PARD3B: variants seen among roughly 807,000 people sequenced by gnomAD.
The protein encoded by PARD3B is partitioning defective 3 homolog B.
A neutral mutation model predicts 130.2 loss-of-function variants in PARD3B; 103 were observed. The ratio of observed to expected loss-of-function variants is 0.79; its 90% CI spans 0.67 to 0.93. The LOEUF (loss-of-function observed/expected upper bound fraction) is 0.93. PARD3B is among the 40% of genes least tolerant of loss of function. The probability of loss-of-function intolerance (pLI) is 0.00; values close to 1 mark genes in which losing one functional copy is unlikely to be tolerated. For missense variants in PARD3B, 1,609 were observed against 1,499.2 expected (o/e 1.07, Z -1.21); for synonymous variants, 583 against 553.2 (o/e 1.05, Z -0.76).
chr2:205,005,241 A>G (rs1158405089), intron 3 of PARD3B, among the ~76,000 whole-genome samples: 4 of 152,148 alleles, frequency 2.6e-5, no homozygotes, highest in Non-Finnish European at 5.9e-5. Context: ...ACACATATAT[A>G]CAGCAAGAGA....
At chr2:205,074,511 T>C (rs557594359) in intron 4 of PARD3B, among the ~76,000 whole-genome samples, 6 of 152,306 alleles carry the variant, frequency 3.9e-5, no homozygotes, top group Non-Finnish European at 5.9e-5. Context: ...CAACAACTTA[T>C]CTTCATAGAA....
chr2:205,285,649 C>T (rs1207422), intron 16 of PARD3B, among the ~76,000 whole-genome samples: 2 of 152,116 alleles, frequency 1.3e-5, no homozygotes, highest in East Asian at 1.9e-4. Context: ...CGATGTTCTC[C>T]GCTGTCGCCC....
intron 18 of PARD3B, among the ~76,000 whole-genome samples, chr2:205,362,185 A>C (rs767609679): frequency 6.6e-5 from 10 of 152,190 alleles, no homozygotes; most frequent in Non-Finnish European, 1.5e-4. Flanking sequence ...GTTTTATATC[A>C]ATTGTTTTTC....
At chr2:205,166,687 C>G (rs1413331936) in intron 11 of PARD3B, among the ~76,000 whole-genome samples, 1 of 152,028 alleles carries the variant, frequency 6.6e-6, no homozygotes, top group Non-Finnish European at 1.5e-5. Flanking sequence ...TCAAAAAATG[C>G]AGTAGACAGA....
chr2:205,331,782 C>CAAAAAAAAAAAAAAA lies in PARD3B; in HGVS notation c.2630+30090_2630+30104dup, dbSNP rs56654511. On this transcript the variant is annotated intron_variant, in intron 18 of 22. Transcript: ENST00000406610. The stretch of plus-strand genomic sequence containing the variant: ...TGGGCGACAGAGTGAGACTCCGTCT[C>CAAAAAAAAAAAAAAA]AAAAAAAAAAAAAAAAAAAAAAAGA... Among the ~76,000 whole-genome samples the CAAAAAAAAAAAAAAA allele has an allele frequency of 2.5e-3, 122 of 48,400 alleles. 18 individuals are homozygous for CAAAAAAAAAAAAAAA. The highest frequency in any genetic ancestry group is 0.012 in the African/African-American group (109 of 9,300). The allele number at this position is 48,400 out of a possible 152,430, so 31.8% of individuals were successfully genotyped here. A position where few individuals can be genotyped will look rare whatever the true frequency, so the allele number is the denominator to read the frequency against.
At chr2:204,685,306 A>G (rs1278030684) in intron 1 of PARD3B, among the ~76,000 whole-genome samples, 1 of 152,132 alleles carries the variant, frequency 6.6e-6, no homozygotes, top group African/African-American at 2.4e-5. Context: ...ACAGAACCAA[A>G]TTGATTATAG....
intron 2 of PARD3B, among the ~76,000 whole-genome samples, chr2:204,963,706 A>G (rs954615303): frequency 6.6e-6 from 1 of 152,186 alleles, no homozygotes; most frequent in Non-Finnish European, 1.5e-5. Flanking sequence ...ATTTTTTTAT[A>G]CTAGAATAAT....
At chr2:205,073,376 C>T (rs1201275727) in intron 4 of PARD3B, among the ~76,000 whole-genome samples, 18 of 151,780 alleles carry the variant, frequency 1.2e-4, no homozygotes, top group Admixed American at 1.2e-3. Context: ...GAAAAGATGT[C>T]GAAAAACTTG....
chr2:204,548,679 G>T (rs1358483796), intron 1 of PARD3B, among the ~76,000 whole-genome samples: 1 of 152,092 alleles, frequency 6.6e-6, no homozygotes, highest in Non-Finnish European at 1.5e-5. Flanking sequence ...TAGCAATTTT[G>T]CTTCTGGAAT....
chr2:205,142,434 G>A lies in PARD3B; in HGVS notation c.1435-16288G>A, dbSNP rs1176107956. Among the ~76,000 whole-genome samples, 1 of 152,166 alleles carries A rather than the reference G, an allele frequency of 6.6e-6. No homozygotes were observed. Among genetic ancestry groups the A allele is most frequent in the Non-Finnish European group, 1.5e-5 (1 of 68,020 alleles). On this transcript the variant is annotated intron_variant, in intron 10 of 22. Transcript: ENST00000406610. The surrounding 1 kb of genome is among the most constrained non-coding windows in gnomAD (Gnocchi z 4.3). ...TTAAATACAATTTCAAAGAGGTATT[G>A]TGGCAGAGAAGTGTCAACAAAACAT... is the stretch of plus-strand genomic sequence containing the variant.
chr2:205,287,396 G>C lies in PARD3B; in HGVS notation c.2186-13134G>C, dbSNP rs1301558133. Among the ~76,000 whole-genome samples the C allele has an allele frequency of 6.6e-6, 1 of 152,212 alleles. No homozygotes were observed. The highest frequency in any genetic ancestry group is 6.5e-5 in the Admixed American group (1 of 15,284). The stretch of plus-strand genomic sequence containing the variant: ...CATGTCAGCAGTACTCTCTCGTGCA[G>C]TTCTGGTTCCTCTCTTCAGACTTGA... On this transcript the variant is annotated intron_variant, in intron 16 of 22. Transcript: ENST00000406610. This position sits in a 1 kb window ranked among gnomAD's most constrained non-coding sequence, Gnocchi z 4.8.
chr2:204,924,958 G>T (rs1168506313), intron 2 of PARD3B, among the ~76,000 whole-genome samples: 1 of 150,470 alleles, frequency 6.6e-6, no homozygotes, highest in Non-Finnish European at 1.5e-5. Flanking sequence ...ATGTACCTGA[G>T]CTATACACAC....
chr2:205,529,236 T>C (rs914187251), intron 21 of PARD3B, among the ~76,000 whole-genome samples: 7 of 152,204 alleles, frequency 4.6e-5, no homozygotes, highest in African/African-American at 1.7e-4. Context: ...GAGAAAATGG[T>C]TAGAAGATCC....
intron 4 of PARD3B, among the ~76,000 whole-genome samples, chr2:205,081,153 G>A (rs1174680545): frequency 6.6e-6 from 1 of 151,862 alleles, no homozygotes; most frequent in Non-Finnish European, 1.5e-5. Flanking sequence ...TTTCCTTTAT[G>A]GATGGTGCTT....
intron 2 of PARD3B, among the ~76,000 whole-genome samples, chr2:204,712,788 T>G (rs920019854): frequency 9.2e-5 from 14 of 152,130 alleles, no homozygotes; most frequent in Non-Finnish European, 1.8e-4. Context: ...ACCTTTTAAA[T>G]TTCTATGTGC....
At chr2:205,552,759 G>A (rs932170326) in intron 21 of PARD3B, among the ~76,000 whole-genome samples, 1 of 152,006 alleles carries the variant, frequency 6.6e-6, no homozygotes, top group African/African-American at 2.4e-5. Flanking sequence ...GCCAAGAAGA[G>A]CTATAATGGC....
chr2:204,803,302 G>C (rs1394813686), intron 2 of PARD3B, among the ~76,000 whole-genome samples: 1 of 151,550 alleles, frequency 6.6e-6, no homozygotes, highest in African/African-American at 2.4e-5. Context: ...TTTTCAATAT[G>C]AAATTAAAAG....
At chr2:205,395,967 C>G (rs2046013935) in intron 18 of PARD3B, among the ~76,000 whole-genome samples, 1 of 152,182 alleles carries the variant, frequency 6.6e-6, no homozygotes, top group Non-Finnish European at 1.5e-5. Flanking sequence ...ACAAGCTTCT[C>G]TCACACCTGT....
At chr2:205,163,756 T>C (rs1379113642) in intron 11 of PARD3B, among the ~76,000 whole-genome samples, 1 of 152,208 alleles carries the variant, frequency 6.6e-6, no homozygotes, top group African/African-American at 2.4e-5. Context: ...CACCCCCATC[T>C]CTGCCGGTAT....
Sources: gnomAD v4.1 joint callset for allele counts (sites outside exome capture counted in the v4.1 genomes callset) on GRCh38, gnomAD v4.1.1 for gene constraint, Gnocchi (gnomAD v3.1) non-coding constraint, MANE v1.5 for transcripts, NCBI Gene and HGNC (gene_info 2026-07-23, HGNC 2026-07-21) for gene names.